The following FILIP1 variants were observed in gnomAD, a reference collection of about 807,000 sequenced individuals.
FILIP1 encodes the protein filamin-A-interacting protein 1.
In FILIP1, 61 loss-of-function variants were observed where a neutral mutation model predicts 102.1. That is an observed-to-expected ratio of 0.60 (90% CI 0.49 to 0.74). FILIP1 has a LOEUF of 0.74. Among genes scored for constraint, FILIP1 ranks in the 30% least tolerant of loss-of-function variants. The pLI, the probability that FILIP1 is intolerant of heterozygous loss-of-function variation, is 0.00. For synonymous variants in FILIP1, 491 were observed against 526.9 expected (o/e 0.93, Z 0.93); for missense variants, 1,314 against 1,441.2 (o/e 0.91, Z 1.43).
At position 75,402,580 on chromosome 6, in the gene FILIP1, T is replaced by G. The variant is rs148306346; in HGVS notation, c.276+12117A>C. On this transcript the variant is annotated intron_variant, in intron 2 of 5. Transcript: ENST00000237172. ...AGGGACTCTACTGGAGGCCTTCCCA[T>G]GTGACAAATGGAACTCATTTAGAAA... is the stretch of plus-strand genomic sequence containing the variant. Among the ~76,000 whole-genome samples the G allele has an allele frequency of 3.3e-5, 5 of 152,234 alleles. No individual in the cohort carries two copies. In the East Asian group the frequency reaches 9.6e-4, roughly 29 times the overall value.
intron 2 of FILIP1, among the ~76,000 whole-genome samples, chr6:75,371,065 G>A (rs1392269413): frequency 2.0e-5 from 3 of 152,090 alleles, no homozygotes; most frequent in Non-Finnish European, 4.4e-5. Context: ...AAAAAGCTAT[G>A]TAATGTATAA....
At chr6:75,338,622 C>T (rs1373154820) in intron 4 of FILIP1, among the ~76,000 whole-genome samples, 1 of 152,178 alleles carries the variant, frequency 6.6e-6, no homozygotes, top group East Asian at 1.9e-4. Context: ...TTTTCCAGCA[C>T]TTTCCTTTCT....
rs564211103 is a variant in FILIP1, at chr6:75,347,619, C to A, written c.629+5920G>T. Reference sequence around the variant, plus strand: ...AACTTAAGAATAATGTTCCAGGGAACCAGATATGAAACTTTTCCTATAAAG... The same window carrying A: ...AACTTAAGAATAATGTTCCAGGGAAACAGATATGAAACTTTTCCTATAAAG... On this transcript the variant is annotated intron_variant, in intron 4 of 5. Transcript: ENST00000237172. 1.8e-4 allele frequency among the ~76,000 whole-genome samples: 28 copies of A among 152,238 alleles called. No homozygotes were observed. In the South Asian group the frequency reaches 5.8e-3, roughly 32 times the overall value.
chr6:75,313,195 G>A lies in FILIP1; in HGVS notation c.2637C>T (p.Gly879=). Residue 879 remains glycine (G), a synonymous_variant, in exon 5 of 6, where the codon GGC becomes GGT. Coordinates refer to ENST00000237172, the MANE Select transcript of FILIP1 (RefSeq NM_015687.5). The surrounding 1 kb of genome is among the most constrained non-coding windows in gnomAD (Gnocchi z 4.2). ...GCCCTTTCTCCTGAGTGATGGAGGG[G>A]CCGTTTTCCCTCTTTCTCATCCATG... is the stretch of plus-strand genomic sequence containing the variant. The part of the protein sequence containing the change: ...WIPWMRKREN[G]PSITQEKGPR... 1 of 1,614,142 alleles carries A rather than the reference G, an allele frequency of 6.2e-7. No homozygotes were observed. Among genetic ancestry groups the A allele is most frequent in the Non-Finnish European group, 8.5e-7 (1 of 1,180,030 alleles).
chr6:75,319,744 T>G (rs1773578846), intron 4 of FILIP1: 4 of 311,238 alleles, frequency 1.3e-5, no homozygotes, highest in Admixed American at 4.2e-5. Flanking sequence ...GCAGGATAAT[T>G]GTGTGAACCC....
At chr6:75,367,599 T>C (rs1010616219) in intron 2 of FILIP1, 13 of 152,226 alleles carry the variant, frequency 8.5e-5, no homozygotes, top group South Asian at 4.2e-4. Flanking sequence ...TGAGCCGAGA[T>C]TGCGCAACTG....
chr6:75,370,004 A>G (rs775361907), intron 2 of FILIP1, among the ~76,000 whole-genome samples: 1 of 152,224 alleles, frequency 6.6e-6, no homozygotes, highest in Non-Finnish European at 1.5e-5. Flanking sequence ...ATTCCTGCCA[A>G]AAGCTGTTGA....
chr6:75,327,284 T>G (rs924477184), intron 4 of FILIP1, among the ~76,000 whole-genome samples: 22 of 152,266 alleles, frequency 1.4e-4, no homozygotes, highest in Non-Finnish European at 2.9e-4. Context: ...ACTTCTCACT[T>G]CCTCCATTGC....
At chr6:75,480,407 AT>A (rs987497653) in intron 1 of FILIP1, among the ~76,000 whole-genome samples, 2 of 151,748 alleles carry the variant, frequency 1.3e-5, no homozygotes, top group African/African-American at 4.8e-5. Flanking sequence ...TGGGTTTAAA[AT>A]TCTTTTTTTT....
Position 75,313,505 on chromosome 6 carries a change from A to G in FILIP1, c.2327T>C (p.Leu776Ser). ...GQEVLNLTKELELSKRYSRAL... is the reference protein window; with the variant it reads ...GQEVLNLTKESELSKRYSRAL... The stretch of plus-strand genomic sequence containing the variant: ...TCTGCTGTAGCGCTTGGAAAGCTCC[A>G]ACTCTTTGGTCAGATTGAGAACCTC... The change falls in exon 5 of 6, where the codon TTG becomes TCG. Residue 776 changes from leucine to serine, a missense_variant. Leu to Ser is a moderately radical substitution (Grantham distance 145). Transcript: ENST00000237172. The surrounding 1 kb of genome is among the most constrained non-coding windows in gnomAD (Gnocchi z 4.2). 6.2e-7 allele frequency: 1 copy of G among 1,614,158 alleles called. No homozygotes were observed. Among genetic ancestry groups the G allele is most frequent in the Non-Finnish European group, 8.5e-7 (1 of 1,180,032 alleles).
intron 4 of FILIP1, among the ~76,000 whole-genome samples, chr6:75,321,815 AG>A (rs1773673628): frequency 6.6e-6 from 1 of 151,930 alleles, no homozygotes; most frequent in Non-Finnish European, 1.5e-5. Context: ...AAAAAAAAAA[AG>A]AAATGAATGT....
chr6:75,410,429 G>A (rs945735358), intron 2 of FILIP1, among the ~76,000 whole-genome samples: 10 of 150,840 alleles, frequency 6.6e-5, no homozygotes, highest in Non-Finnish European at 1.3e-4. Flanking sequence ...TTTAAGTTCT[G>A]GGATATATTT....
Position 75,328,843 on chromosome 6 carries a change from CCA to C in FILIP1, c.630-13643_630-13642del, listed in dbSNP as rs200478796. Reference sequence around the variant, plus strand: ...AATATTTAGCTCGCCCCTCTCACCTCCAGTCTCAGCTCCCTTGGCCTTTGGTT... The same window carrying C: ...AATATTTAGCTCGCCCCTCTCACCTCGTCTCAGCTCCCTTGGCCTTTGGTT... On this transcript the variant is annotated intron_variant, in intron 4 of 5. Coordinates refer to ENST00000237172, the MANE Select transcript of FILIP1 (RefSeq NM_015687.5). Among the ~76,000 whole-genome samples the C allele has an allele frequency of 9.2e-3, 1,402 of 152,268 alleles. 27 individuals are homozygous for C. Among genetic ancestry groups the C allele is most frequent in the African/African-American group, 0.031 (1,293 of 41,554 alleles).
At chr6:75,368,435 G>T (rs1207889231) in intron 2 of FILIP1, among the ~76,000 whole-genome samples, 1 of 152,202 alleles carries the variant, frequency 6.6e-6, no homozygotes, top group African/African-American at 2.4e-5. Flanking sequence ...TTTGTGCAAT[G>T]CATTGTATTC....
intron 4 of FILIP1, among the ~76,000 whole-genome samples, chr6:75,318,903 G>C (rs79685106): frequency 6.6e-6 from 1 of 151,286 alleles, no homozygotes; most frequent in Non-Finnish European, 1.5e-5. Flanking sequence ...AAAAAAAAAA[G>C]ACACTGTACA....
At chr6:75,320,039 G>T in intron 4 of FILIP1, 1 of 276,994 alleles carries the variant, frequency 3.6e-6, no homozygotes, top group Non-Finnish European at 7.0e-6. Flanking sequence ...GCTCTCATTT[G>T]CCCCGGTGCT....
exon 7 of FILIP1, chr6:75,292,976 TA>T (rs972888154): frequency 1.9e-4 from 29 of 152,194 alleles, no homozygotes; most frequent in Non-Finnish European, 3.8e-4. Context: ...ATGGTCATCC[TA>T]AGATACAATG....
In FILIP1 at chr6:75,314,444, G is replaced by T; in HGVS notation, c.1388C>A (p.Thr463Asn). ...CTCCAATTCATTTAGCAGGTCTTTG[G>T]TTAAGTTCTTTTCTTTCTCCAGATT... ...HLNLEKEKNLTKDLLNELEVV... is the reference protein window; with the variant it reads ...HLNLEKEKNLNKDLLNELEVV... Residue 463 changes from threonine (T) to asparagine (N), a missense_variant, in exon 5 of 6, where the codon ACC (threonine) becomes AAC (asparagine). Transcript: ENST00000237172. 1 of 1,578,976 alleles carries T rather than the reference G, an allele frequency of 6.3e-7. No homozygotes were observed.
rs536640343 is a variant in FILIP1 at position 75,468,002 on chromosome 6, G to T, written c.-7+25412C>A. Reference sequence around the variant, plus strand: ...TTATTGCTTCCAGCTGGGAGTCAAAGGTATGGAAGCTTGAATCAGAGAAAC... The same window carrying T: ...TTATTGCTTCCAGCTGGGAGTCAAATGTATGGAAGCTTGAATCAGAGAAAC... On this transcript the variant is annotated intron_variant, in intron 1 of 5. Transcript: ENST00000237172. Among the ~76,000 whole-genome samples, 21 of 152,226 alleles carry T rather than the reference G, an allele frequency of 1.4e-4. No individual in the cohort carries two copies. In the East Asian group the frequency reaches 3.7e-3, roughly 27 times the overall value.
Sources: gnomAD v4.1 joint callset for allele counts (sites outside exome capture counted in the v4.1 genomes callset) on GRCh38, gnomAD v4.1.1 for gene constraint, Gnocchi (gnomAD v3.1) non-coding constraint, MANE v1.5 for transcripts, NCBI Gene and HGNC (gene_info 2026-07-23, HGNC 2026-07-21) for gene names.